Variants in CFAP299 observed in about 807,000 individuals in gnomAD.
CFAP299 encodes the protein cilia and flagella associated protein 299.
A neutral mutation model predicts 27.0 loss-of-function variants in CFAP299; 21 were observed. That is an observed-to-expected ratio of 0.78 (90% confidence interval 0.55 to 1.12). The LOEUF (loss-of-function observed/expected upper bound fraction) is 1.12, where lower values mean the gene tolerates loss of function less well. CFAP299 is among the 50% of genes most tolerant of loss of function. The pLI, the probability that CFAP299 is intolerant of heterozygous loss-of-function variation, is 0.00. For missense variants in CFAP299, 310 were observed against 276.6 expected (o/e 1.12, Z -0.86); for synonymous variants, 104 against 98.1 (o/e 1.06, Z -0.36).
intron 2 of CFAP299, chr4:80,386,952 C>T (rs1173702106): frequency 2.2e-6 from 2 of 905,048 alleles, no homozygotes; most frequent in Non-Finnish European, 3.7e-6. Context: ...ATGCACCCGC[C>T]GGGAGGACTT....
intron 3 of CFAP299, among the ~76,000 whole-genome samples, chr4:80,686,944 C>T (rs568315813): frequency 6.6e-6 from 1 of 152,116 alleles, no homozygotes; most frequent in African/African-American, 2.4e-5. Flanking sequence ...AGATGTATTC[C>T]CTCTAATATA....
At chr4:80,868,555 C>G (rs966529907) in intron 3 of CFAP299, among the ~76,000 whole-genome samples, 8 of 152,096 alleles carry the variant, frequency 5.3e-5, no homozygotes, top group Non-Finnish European at 1.0e-4. Flanking sequence ...ATCCTCACCC[C>G]ACAAGGTCAT....
intron 2 of CFAP299, among the ~76,000 whole-genome samples, chr4:80,538,231 TAA>T (rs1260605225): frequency 4.6e-5 from 7 of 152,146 alleles, no homozygotes; most frequent in Admixed American, 1.3e-4. Flanking sequence ...AAAAAATACA[TAA>T]AGTCTTATAG....
chr4:80,848,692 G>A (rs72865120), intron 3 of CFAP299, among the ~76,000 whole-genome samples: 17 of 151,960 alleles, frequency 1.1e-4, no homozygotes, highest in Non-Finnish European at 1.8e-4. Context: ...CGGAGGATCA[G>A]TTGAGCCCAG....
intron 3 of CFAP299, among the ~76,000 whole-genome samples, chr4:80,675,345 A>C (rs1560691927): frequency 6.6e-6 from 1 of 152,274 alleles, no homozygotes; most frequent in East Asian, 1.9e-4. Context: ...CCTGGGTATC[A>C]CCAGTGGAGG....
chr4:80,779,383 G>A (rs1726741296), intron 3 of CFAP299, among the ~76,000 whole-genome samples: 1 of 152,072 alleles, frequency 6.6e-6, no homozygotes, highest in Non-Finnish European at 1.5e-5. Context: ...GTCATAGCCT[G>A]TCCAGCCCCT....
chr4:80,810,351 GACAC>G (rs70956066), intron 3 of CFAP299, among the ~76,000 whole-genome samples: 3 of 147,672 alleles, frequency 2.0e-5, no homozygotes, highest in Non-Finnish European at 4.5e-5. Context: ...CCCAACCCCT[GACAC>G]ACACACACAC....
rs573724486 is a variant in CFAP299 at position 80,674,250 on chromosome 4, G to T, written c.333+91067G>T. ...AAAATCTCTCAGCATTTGCTTGTCT[G>T]TAAAGGATTTTATTTCCCCTTCACT... is the stretch of plus-strand genomic sequence containing the variant. On this transcript the variant is annotated intron_variant, in intron 3 of 5. Coordinates refer to ENST00000358105, the MANE Select transcript of CFAP299 (RefSeq NM_152770.3). Among the ~76,000 whole-genome samples the T allele has an allele frequency of 6.6e-5, 10 of 152,252 alleles. No homozygotes were observed. In the East Asian group the frequency reaches 1.9e-3, roughly 29 times the overall value.
chr4:80,642,962 G>A (rs1739806589), intron 3 of CFAP299, among the ~76,000 whole-genome samples: 1 of 151,886 alleles, frequency 6.6e-6, no homozygotes, highest in Non-Finnish European at 1.5e-5. Flanking sequence ...CTGAGAAGTA[G>A]CCAGTGAAAT....
intron 4 of CFAP299, among the ~76,000 whole-genome samples, chr4:80,921,742 G>C (rs1404925401): frequency 6.6e-6 from 1 of 152,036 alleles, no homozygotes; most frequent in African/African-American, 2.4e-5. Flanking sequence ...AGATTGAGTA[G>C]ATATGAGAAG....
intron 2 of CFAP299, among the ~76,000 whole-genome samples, chr4:80,456,548 A>G (rs1431332461): frequency 6.6e-6 from 1 of 152,172 alleles, no homozygotes; most frequent in African/African-American, 2.4e-5. Flanking sequence ...AATATGAGAT[A>G]TGAGGAAGAA....
At chr4:80,667,892 C>T (rs1016854994) in intron 3 of CFAP299, among the ~76,000 whole-genome samples, 3 of 151,808 alleles carry the variant, frequency 2.0e-5, no homozygotes, top group African/African-American at 4.8e-5. Flanking sequence ...TTTTAGGAAC[C>T]TCCATATAGT....
intron 3 of CFAP299, among the ~76,000 whole-genome samples, chr4:80,793,298 T>A (rs961089976): frequency 6.6e-6 from 1 of 152,052 alleles, no homozygotes. Context: ...GCTGGGAGGC[T>A]AGGCCAGTCT....
chr4:80,775,656 GA>G lies in CFAP299; in HGVS notation c.334-94328del, dbSNP rs544697016. Reference sequence around the variant, plus strand: ...AAAAGCACCAGAACACTAAAAGTATGAAAAAAAAATCAGCCCAAATATGTTT... The same window carrying G: ...AAAAGCACCAGAACACTAAAAGTATGAAAAAAAATCAGCCCAAATATGTTT... On this transcript the variant is annotated intron_variant, in intron 3 of 5. Transcript: ENST00000358105. Among the ~76,000 whole-genome samples, 554 of 150,950 alleles carry G rather than the reference GA, an allele frequency of 3.7e-3. 4 individuals carry two copies. The highest frequency in any genetic ancestry group is 0.013 in the African/African-American group (516 of 41,162).
chr4:80,386,460 C>T (rs1560540566), intron 2 of CFAP299: 5 of 1,537,292 alleles, frequency 3.3e-6, no homozygotes. Context: ...CACCACCTTG[C>T]GCCCACCACT....
At chr4:80,621,202 G>T (rs931613923) in intron 3 of CFAP299, among the ~76,000 whole-genome samples, 8 of 152,080 alleles carry the variant, frequency 5.3e-5, no homozygotes, top group African/African-American at 1.7e-4. Flanking sequence ...ACTTTAAGAT[G>T]ATTTGAATGT....
intron 2 of CFAP299, among the ~76,000 whole-genome samples, chr4:80,580,266 A>T (rs940064605): frequency 1.3e-5 from 2 of 152,044 alleles, no homozygotes; most frequent in Non-Finnish European, 2.9e-5. Context: ...ACAAAGCTTG[A>T]GGTGTATTCA....
At chr4:80,903,508 A>G (rs1285756571) in intron 4 of CFAP299, among the ~76,000 whole-genome samples, 1 of 152,066 alleles carries the variant, frequency 6.6e-6, no homozygotes, top group Non-Finnish European at 1.5e-5. Context: ...GAAAAAAACT[A>G]TAAAAACATT....
intron 2 of CFAP299, among the ~76,000 whole-genome samples, chr4:80,423,952 C>A (rs968419891): frequency 6.6e-6 from 1 of 152,228 alleles, no homozygotes; most frequent in Non-Finnish European, 1.5e-5. Context: ...GCTCCCAAGG[C>A]AGTCACTCAC....
Sources: gnomAD v4.1 joint callset for allele counts (sites outside exome capture counted in the v4.1 genomes callset) on GRCh38, gnomAD v4.1.1 for gene constraint, MANE v1.5 for transcripts, NCBI Gene and HGNC (gene_info 2026-07-23, HGNC 2026-07-21) for gene names.